MYBBP1A: variants seen among roughly 807,000 people sequenced by gnomAD.
The protein encoded by MYBBP1A is MYB binding protein 1a, also known as myb-binding protein 1A.
In MYBBP1A, 147 loss-of-function variants were observed where a neutral mutation model predicts 136.3. The observed-to-expected ratio is 1.08, with a 90% CI of 0.94 to 1.24. The LOEUF (loss-of-function observed/expected upper bound fraction) is 1.24. Ranked by LOEUF, MYBBP1A falls within the 50% of genes most tolerant of loss-of-function variation. The pLI is 0.00. For missense variants in MYBBP1A, 2,060 were observed against 1,727.4 expected (o/e 1.19, Z -3.41); for synonymous variants, 947 against 735.8 (o/e 1.29, Z -4.65).
At position 4,553,689 on chromosome 17, in the gene MYBBP1A, G is replaced by T. The variant is rs185003783; in HGVS notation, c.561+121C>A. On this transcript the variant is annotated intron_variant, in intron 5 of 25. Transcript: ENST00000254718. ...ACCTTTTCAACAAAGTCACTGAAAC[G>T]CTTCAAATTATACATCTTTGTATTT... The T allele has an allele frequency of 6.3e-5, 45 of 718,572 alleles. No individual in the cohort carries two copies. In the East Asian group the frequency reaches 1.2e-3, roughly 20 times the overall value. 44.5% of individuals were successfully genotyped at this position (718,572 alleles called of 1,614,324 possible).
chr17:4,555,384 C>G lies in MYBBP1A; in HGVS notation c.-60G>C. ...GCTCCGGCCCCAGCCGCTTCCAGGT[C>G]AGGGCACGGCGCATGCGCACCGGTT... On this transcript the variant is annotated 5_prime_UTR_variant, in exon 1 of 26. Transcript: ENST00000254718. The G allele has an allele frequency of 6.5e-7, 1 of 1,543,894 alleles. No homozygotes were observed. The highest frequency in any genetic ancestry group is 8.8e-7 in the Non-Finnish European group (1 of 1,142,426).
rs754124172 is a variant in MYBBP1A, at chr17:4,554,873, C to T, written c.282G>A (p.Leu94=). ...GRETARPCYS[L]ALAQLLQSFE... The stretch of plus-strand genomic sequence containing the variant: ...AGCACCACCTCACCTGTGCCAGGGC[C>T]AAACTGTAGCAGGGCCGGGCTGTTT... Residue 94 remains leucine, a synonymous_variant, in exon 2 of 26, where the codon TTG becomes TTA. Transcript: ENST00000254718. 1 of 1,613,440 alleles carries T rather than the reference C, an allele frequency of 6.2e-7. No individual in the cohort carries two copies. The highest frequency in any genetic ancestry group is 1.7e-5 in the Admixed American group (1 of 59,998).
intron 5 of MYBBP1A, 61 bp downstream of exon 5, chr17:4,553,749 G>T: frequency 7.9e-7 from 1 of 1,270,882 alleles, no homozygotes; most frequent in Non-Finnish European, 1.1e-6. Context: ...TCTCATCCGA[G>T]CCCCCTTGAT....
At chr17:4,542,279 G>T in intron 22 of MYBBP1A, 185 bp downstream of exon 22, 1 of 668,040 alleles carries the variant, frequency 1.5e-6, no homozygotes, top group Non-Finnish European at 2.5e-6. Context: ...TTCACTGTGT[G>T]GCAGGGGCCA....
In MYBBP1A at chr17:4,548,677, C is replaced by A. The variant is rs1318910257; in HGVS notation, c.1431-28G>T. 1 of 1,613,296 alleles carries A rather than the reference C, an allele frequency of 6.2e-7. No homozygotes were observed. The highest frequency in any genetic ancestry group is 8.5e-7 in the Non-Finnish European group (1 of 1,179,728). On this transcript the variant is annotated intron_variant, in intron 10 of 25. Coordinates refer to ENST00000254718, the MANE Select transcript of MYBBP1A (RefSeq NM_014520.4). The surrounding 1 kb of genome is among the most constrained non-coding windows in gnomAD (Gnocchi z 4.2). ...GGGGAGGGTGGGAGAGTGGCCATAG[C>A]CATTCACTGCCATTGGTTTTTACAG...
chr17:4,545,415 G>T (rs1906911499), intron 15 of MYBBP1A, 70 bp from the exon 16 acceptor site: 1 of 1,584,156 alleles, frequency 6.3e-7, no homozygotes, highest in South Asian at 1.1e-5. Context: ...ACTCAGCCTT[G>T]ACCAAAGACC....
At position 4,544,518 on chromosome 17, in the gene MYBBP1A, G is replaced by T. The variant is rs761716677; in HGVS notation, c.2610C>A (p.Asp870Glu). The T allele has an allele frequency of 1.9e-6, 3 of 1,553,320 alleles. No homozygotes were observed. Among genetic ancestry groups the T allele is most frequent in the Admixed American group, 1.9e-5 (1 of 51,394 alleles). Residue 870 changes from aspartate (D) to glutamate (E), a missense_variant, in exon 19 of 26, where the codon GAC becomes GAA. Transcript: ENST00000254718. The stretch of plus-strand genomic sequence containing the variant: ...AGATGCGCGCCGTCTTGTGCAGAAG[G>T]TCCTGCTCCTGTTTGGAGCTGCTGC... The part of the protein sequence containing the change: ...LRSSSSKQEQ[D>E]LLHKTARIFT...
At position 4,542,472 on chromosome 17, in the gene MYBBP1A, G is replaced by A. The variant is rs200492249; in HGVS notation, c.3079C>T (p.Arg1027Cys). 31 of 1,608,314 alleles carry A rather than the reference G, an allele frequency of 1.9e-5. No individual in the cohort carries two copies. In the East Asian group the frequency reaches 2.7e-4, roughly 14 times the overall value. Residue 1027 changes from arginine to cysteine, a missense_variant, in exon 22 of 26, where the codon CGT becomes TGT. Arg to Cys is a radical substitution (Grantham distance 180). Coordinates refer to ENST00000254718, the MANE Select transcript of MYBBP1A (RefSeq NM_014520.4). ...GCTGGGAAGTCTCTCACCTGATGAC[G>A]GGGCCGCACCGGGCCCGTGATATGC... is the stretch of plus-strand genomic sequence containing the variant. ...VQHITGPVRP[R>C]HQACLLLQKT...
rs73972683 is a variant in MYBBP1A at position 4,541,555 on chromosome 17, C to T, written c.3205G>A (p.Val1069Met). 6,485 of 1,612,452 alleles carry T rather than the reference C, an allele frequency of 4.0e-3. 208 individuals are homozygous for T. In the African/African-American group the frequency reaches 0.072, roughly 18 times the overall value. ...GCCTTGGTCTGCGCCTCCCCCAGCA[C>T]GCGCAAGTTCTAGGGAAGGGTGGCC... Reference protein sequence around the residue: ...VLAKVTENLRVLGEAQTKAQH... With the variant: ...VLAKVTENLRMLGEAQTKAQH... The change falls in exon 24 of 26, where the codon GTG (valine) becomes ATG (methionine). Residue 1069 changes from valine to methionine, a missense_variant. Physicochemically the swap from Val to Met is conservative, Grantham distance 21. Coordinates refer to ENST00000254718, the MANE Select transcript of MYBBP1A (RefSeq NM_014520.4).
At chr17:4,543,700 C>T (rs1419576476) in intron 19 of MYBBP1A, among the ~76,000 whole-genome samples, 11 of 152,238 alleles carry the variant, frequency 7.2e-5, no homozygotes, top group African/African-American at 1.2e-4. Context: ...ATCCACGCAG[C>T]GCCCCAGCTC....
In MYBBP1A at chr17:4,548,407, G is replaced by A. The variant is rs1907194019; in HGVS notation, c.1557-97C>T. 2 of 1,603,936 alleles carry A rather than the reference G, an allele frequency of 1.2e-6. No individual in the cohort carries two copies. The highest frequency in any genetic ancestry group is 1.7e-6 in the Non-Finnish European group (2 of 1,173,318). On this transcript the variant is annotated intron_variant, in intron 11 of 25. Transcript: ENST00000254718. The surrounding 1 kb of genome is among the most constrained non-coding windows in gnomAD (Gnocchi z 4.2). ...AGGGCTCGGTCTCCCGCCTCTCCAG[G>A]ACCTACTAGAACTCCGGGGGCCTCT... is the stretch of plus-strand genomic sequence containing the variant.
intron 25 of MYBBP1A, 64 bp downstream of exon 25, chr17:4,540,284 G>A (rs1906280171): frequency 6.5e-7 from 1 of 1,533,466 alleles, no homozygotes; most frequent in East Asian, 2.3e-5. Context: ...GTGTGTGTGT[G>A]TGCAGCAGCG....
intron 13 of MYBBP1A, among the ~76,000 whole-genome samples, chr17:4,547,304 A>AT (rs1335156960): frequency 6.6e-6 from 1 of 152,122 alleles, no homozygotes; most frequent in Non-Finnish European, 1.5e-5. Context: ...CAGGCTCCAC[A>AT]TGTGTCCTGG....
rs1246673904 is a variant in MYBBP1A, at chr17:4,548,122, CT to C, written c.1724+20del. On this transcript the variant is annotated intron_variant, in intron 12 of 25. Coordinates refer to ENST00000254718, the MANE Select transcript of MYBBP1A (RefSeq NM_014520.4). The surrounding 1 kb of genome is among the most constrained non-coding windows in gnomAD (Gnocchi z 4.2). ...CAGACTGCAGCGTCCTGCCCACCCC[CT>C]GGAAATCCCACGTGCTCACCGGTCC... 6.2e-7 allele frequency: 1 copy of C among 1,604,202 alleles called. No homozygotes were observed. Among genetic ancestry groups the C allele is most frequent in the Non-Finnish European group, 8.5e-7 (1 of 1,179,580 alleles).
rs746416607 is a variant in MYBBP1A, at chr17:4,554,244, C to A, written c.329G>T (p.Ser110Ile). 88 of 1,613,972 alleles carry A rather than the reference C, an allele frequency of 5.5e-5. No individual in the cohort carries two copies. The highest frequency in any genetic ancestry group is 1.4e-5 in the Non-Finnish European group (16 of 1,180,036). The change falls in exon 3 of 26, where the codon AGC becomes ATC. Residue 110 changes from serine (S) to isoleucine (I), a missense_variant. Ser to Ile is a moderately radical substitution (Grantham distance 142). Transcript: ENST00000254718. Reference protein sequence around the residue: ...LQSFEDLPLCSILQQIQEKYD... With the variant: ...LQSFEDLPLCIILQQIQEKYD... ...TTTTTCTTGTATCTGCTGCAGGATG[C>A]TGCACAAGGGGAGGTCTTCAAAAGA...
At chr17:4,542,583 C>G (rs1597378508) in intron 21 of MYBBP1A, 33 bp downstream of exon 21, 1 of 1,613,148 alleles carries the variant, frequency 6.2e-7, no homozygotes. Flanking sequence ...TGAGCAGGGA[C>G]CATGAGGAAG....
At chr17:4,545,522 G>T in intron 15 of MYBBP1A, 88 bp downstream of exon 15, 8 of 1,516,766 alleles carry the variant, frequency 5.3e-6, no homozygotes, top group Non-Finnish European at 6.2e-6. Flanking sequence ...TCCCGGCAGG[G>T]AGGCTGGAGG....
chr17:4,544,205 G>C (rs1240051007), intron 19 of MYBBP1A, among the ~76,000 whole-genome samples: 1 of 139,898 alleles, frequency 7.1e-6, no homozygotes, highest in Non-Finnish European at 1.5e-5. Context: ...CCAGCTCCAG[G>C]GCACTGTTGG....
intron 19 of MYBBP1A, 152 bp downstream of exon 19, chr17:4,544,337 C>T: frequency 1.0e-6 from 1 of 974,332 alleles, no homozygotes; most frequent in South Asian, 1.6e-5. Context: ...GTGACGTGTG[C>T]CTCTAGGGCT....
Sources: allele counts gnomAD v4.1 joint callset (sites outside exome capture counted in the v4.1 genomes callset), GRCh38; gene constraint gnomAD v4.1.1; non-coding constraint Gnocchi (gnomAD v3.1); transcripts MANE v1.5; gene names NCBI Gene and HGNC (gene_info 2026-07-23, HGNC 2026-07-21).